TSHR: variants seen among roughly 807,000 people sequenced by gnomAD.
TSHR encodes the protein thyroid stimulating hormone receptor.
Under a neutral mutation model 64.1 loss-of-function variants are expected in TSHR, and 51 were observed. That is an observed-to-expected ratio of 0.80 (90% CI 0.64 to 1.01). The LOEUF is 1.01. TSHR is among the 50% of genes least tolerant of loss of function. The pLI, the probability that TSHR is intolerant of heterozygous loss-of-function variation, is 0.00. For synonymous variants in TSHR, 361 were observed against 361.9 expected, an observed-to-expected ratio of 1.00 and a Z score of 0.03; for missense variants, 877 against 942.8, an observed-to-expected ratio of 0.93 and a Z score of 0.91.
chr14:80,961,352 A>G (rs781763703), intron 1 of TSHR, among the ~76,000 whole-genome samples: 13 of 152,210 alleles, frequency 8.5e-5, no homozygotes, highest in Non-Finnish European at 1.5e-4. Flanking sequence ...TAATTGTATA[A>G]GTGTGCTTGA....
intron 1 of TSHR, among the ~76,000 whole-genome samples, chr14:80,980,003 T>C (rs1222211497): frequency 6.6e-6 from 1 of 152,234 alleles, no homozygotes; most frequent in Non-Finnish European, 1.5e-5. Flanking sequence ...ACATGGTTTA[T>C]GAAGTCCCCG....
intron 8 of TSHR, among the ~76,000 whole-genome samples, chr14:81,135,583 G>C (rs1252715498): frequency 6.6e-6 from 1 of 152,104 alleles, no homozygotes; most frequent in African/African-American, 2.4e-5. Context: ...ATTGGGGTGG[G>C]GGGTTCTTAG....
At chr14:81,117,445 A>C (rs1229303180) in intron 8 of TSHR, among the ~76,000 whole-genome samples, 44 of 116,394 alleles carry the variant, frequency 3.8e-4, no homozygotes, top group African/African-American at 1.5e-3. Context: ...GAAATGGATA[A>C]ATTCCTCGAC....
At chr14:81,036,165 G>A (rs188355965) in intron 1 of TSHR, among the ~76,000 whole-genome samples, 9 of 152,100 alleles carry the variant, frequency 5.9e-5, no homozygotes, top group Admixed American at 5.2e-4. Flanking sequence ...GACACAGAAA[G>A]GTTACTTAAA....
intron 8 of TSHR, among the ~76,000 whole-genome samples, chr14:81,120,077 C>G (rs1287313448): frequency 4.5e-4 from 61 of 136,678 alleles, no homozygotes; most frequent in Non-Finnish European, 7.5e-4. Flanking sequence ...ATACCTAATG[C>G]TAGATGACGA....
chr14:81,069,404 AACT>A (rs1886896745), intron 3 of TSHR, among the ~76,000 whole-genome samples: 1 of 152,212 alleles, frequency 6.6e-6, no homozygotes, highest in African/African-American at 2.4e-5. Context: ...ACATCAGATC[AACT>A]ATTGGTCTGA....
chr14:81,045,589 C>T (rs570942558), intron 1 of TSHR, among the ~76,000 whole-genome samples: 31 of 152,206 alleles, frequency 2.0e-4, no homozygotes, highest in South Asian at 1.2e-3. Context: ...TTCCCCCTCA[C>T]GTGTCCATGT....
At chr14:80,982,333 G>A in intron 1 of TSHR, 4 of 1,213,518 alleles carry the variant, frequency 3.3e-6, no homozygotes, top group Non-Finnish European at 4.6e-6. Context: ...GGCTGAGGAA[G>A]AGGCCACTAT....
chr14:81,072,217 G>A (rs1202734962), intron 3 of TSHR, among the ~76,000 whole-genome samples: 1 of 152,180 alleles, frequency 6.6e-6, no homozygotes, highest in African/African-American at 2.4e-5. Flanking sequence ...GTTGAGGACA[G>A]TTATTATTTA....
chr14:81,086,417 A>G (rs1888291507), intron 3 of TSHR, among the ~76,000 whole-genome samples: 1 of 152,120 alleles, frequency 6.6e-6, no homozygotes, highest in Non-Finnish European at 1.5e-5. Flanking sequence ...AAAAAACCAG[A>G]GAGTTTTTTC....
chr14:80,955,690 G>A lies in TSHR; in HGVS notation c.10G>A (p.Ala4Thr), dbSNP rs1460409181. The change falls in exon 1 of 10, where the codon GCG becomes ACG. Residue 4 changes from alanine to threonine, a missense_variant. Physicochemically the swap from Ala to Thr is moderately conservative, Grantham distance 58 (BLOSUM62 0). Transcript: ENST00000298171. ...CCGAGTCCCGTGGAAAATGAGGCCG[G>A]CGGACTTGCTGCAGCTGGTGCTGCT... MRP[A>T]DLLQLVLLLD... 6.2e-7 allele frequency: 1 copy of A among 1,614,038 alleles called. No individual in the cohort carries two copies. Among genetic ancestry groups the A allele is most frequent in the East Asian group, 2.2e-5 (1 of 44,870 alleles).
In TSHR at chr14:81,143,100, A is replaced by G. The variant is rs2140109254; in HGVS notation, c.1042A>G (p.Asn348Asp). The G allele has an allele frequency of 6.2e-7, 1 of 1,614,184 alleles. No homozygotes were observed. The highest frequency in any genetic ancestry group is 1.1e-5 in the South Asian group (1 of 91,082). ...AAAGTCCAAGTTCCAGGATACTCAT[A>G]ACAACGCTCATTATTACGTCTTCTT... ...KEKSKFQDTH[N>D]NAHYYVFFEE... Residue 348 changes from asparagine (N) to aspartate (D), a missense_variant, in exon 10 of 10, where the codon AAC becomes GAC. Physicochemically the swap from Asn to Asp is conservative, Grantham distance 23. Coordinates refer to ENST00000298171, the MANE Select transcript of TSHR (RefSeq NM_000369.5).
intron 3 of TSHR, among the ~76,000 whole-genome samples, chr14:81,084,001 C>T (rs1216220018): frequency 6.6e-6 from 1 of 152,168 alleles, no homozygotes; most frequent in African/African-American, 2.4e-5. Flanking sequence ...ATCTAATCAC[C>T]TCCCGCGAGG....
At chr14:80,988,151 G>A (rs1299435296) in intron 1 of TSHR, among the ~76,000 whole-genome samples, 1 of 151,996 alleles carries the variant, frequency 6.6e-6, no homozygotes, top group Non-Finnish European at 1.5e-5. Context: ...TCATGCATTG[G>A]GTAAAAATTT....
chr14:81,070,484 G>A (rs139204858), intron 3 of TSHR, among the ~76,000 whole-genome samples: 4,068 of 151,746 alleles, frequency 0.027, 211 homozygotes, highest in African/African-American at 0.09. Context: ...AAAATTTGCC[G>A]GGCATGGTGG....
intron 1 of TSHR, among the ~76,000 whole-genome samples, chr14:80,973,116 G>C (rs1413862270): frequency 1.3e-5 from 2 of 152,100 alleles, no homozygotes; most frequent in African/African-American, 4.8e-5. Flanking sequence ...AAAAAAATCT[G>C]CGTACTTGGC....
At chr14:81,040,839 TA>T (rs1476936618) in intron 1 of TSHR, among the ~76,000 whole-genome samples, 1 of 151,736 alleles carries the variant, frequency 6.6e-6, no homozygotes, top group Non-Finnish European at 1.5e-5. Flanking sequence ...ACAACCTCAT[TA>T]AAAAGTGGGC....
At chr14:81,017,043 A>G (rs1270080135) in intron 1 of TSHR, among the ~76,000 whole-genome samples, 1 of 152,186 alleles carries the variant, frequency 6.6e-6, no homozygotes, top group Non-Finnish European at 1.5e-5. Context: ...AGAACATAGG[A>G]TTTAACAATC....
rs1885891605 is a variant in TSHR, at chr14:81,057,341, G to A, written c.171-4807G>A. Among the ~76,000 whole-genome samples, 3 of 152,098 alleles carry A rather than the reference G, an allele frequency of 2.0e-5. No homozygotes were observed. In the South Asian group the frequency reaches 6.2e-4, roughly 32 times the overall value. ...CAGGAGAATCGCTTGAACCCCAGAG[G>A]CAGAGGTTGCAGTGAGCCAAGATTG... is the stretch of plus-strand genomic sequence containing the variant. On this transcript the variant is annotated intron_variant, in intron 1 of 9. Coordinates refer to ENST00000298171, the MANE Select transcript of TSHR (RefSeq NM_000369.5).
Sources: allele counts gnomAD v4.1 joint callset (sites outside exome capture counted in the v4.1 genomes callset), GRCh38; gene constraint gnomAD v4.1.1; transcripts MANE v1.5; gene names NCBI Gene and HGNC (gene_info 2026-07-23, HGNC 2026-07-21).